The following SUCLG2 variants were observed in gnomAD, a reference collection of about 807,000 sequenced individuals.
SUCLG2 encodes succinate--CoA ligase [GDP-forming] subunit beta, mitochondrial.
SUCLG2 carries 42 observed loss-of-function variants against 47.9 expected under a neutral mutation model. The ratio of observed to expected loss-of-function variants is 0.88; its 90% confidence interval spans 0.69 to 1.14. The LOEUF (loss-of-function observed/expected upper bound fraction) is 1.14, where lower values mean the gene tolerates loss of function less well. Among genes scored for constraint, SUCLG2 ranks in the 50% most tolerant of loss-of-function variants. SUCLG2 has a pLI of 0.00. For missense variants in SUCLG2, 571 were observed against 525.9 expected (o/e 1.09, Z -0.84); for synonymous variants, 195 against 197.3 (o/e 0.99, Z 0.10).
At chr3:67,481,219 A>G (rs114357316) in intron 9 of SUCLG2, among the ~76,000 whole-genome samples, 2,175 of 152,354 alleles carry the variant, frequency 0.014, 61 homozygotes, top group African/African-American at 0.05. Context: ...ACAAGTTTCT[A>G]AATGCTTATT....
At chr3:67,554,104 G>T (rs1489155351) in intron 2 of SUCLG2, among the ~76,000 whole-genome samples, 5 of 152,134 alleles carry the variant, frequency 3.3e-5, no homozygotes, top group Admixed American at 2.0e-4. Flanking sequence ...GTGATTTTTT[G>T]CATGCTCTTG....
chr3:67,533,030 T>C (rs1706444089), intron 2 of SUCLG2, among the ~76,000 whole-genome samples: 1 of 152,216 alleles, frequency 6.6e-6, no homozygotes, highest in Non-Finnish European at 1.5e-5. Context: ...ACATTTTTAA[T>C]TAAGCAAGCT....
At chr3:67,452,683 T>C (rs575012096) in intron 9 of SUCLG2, among the ~76,000 whole-genome samples, 3 of 152,202 alleles carry the variant, frequency 2.0e-5, no homozygotes, top group Admixed American at 2.0e-4. Flanking sequence ...CAAATATTTA[T>C]TGAGCATCTA....
At chr3:67,457,246 T>C (rs974755020) in intron 9 of SUCLG2, among the ~76,000 whole-genome samples, 2 of 152,172 alleles carry the variant, frequency 1.3e-5, no homozygotes, top group African/African-American at 4.8e-5. Flanking sequence ...ATCTTCAGCA[T>C]TAAATGTATC....
chr3:67,425,796 T>C (rs1259533370), intron 9 of SUCLG2, among the ~76,000 whole-genome samples: 1 of 152,244 alleles, frequency 6.6e-6, no homozygotes, highest in East Asian at 1.9e-4. Flanking sequence ...TTGTCCTGTT[T>C]GGTGAACTCT....
intron 1 of SUCLG2, among the ~76,000 whole-genome samples, chr3:67,611,643 C>T (rs1312518399): frequency 1.3e-5 from 2 of 151,956 alleles, no homozygotes; most frequent in Non-Finnish European, 2.9e-5. Context: ...CAATTTAAAG[C>T]CATTAACCAA....
intron 2 of SUCLG2, among the ~76,000 whole-genome samples, chr3:67,563,280 A>T (rs534915778): frequency 2.6e-4 from 39 of 152,296 alleles, no homozygotes; most frequent in African/African-American, 8.7e-4. Flanking sequence ...AGTGAAAAAC[A>T]GTATGGTCTC....
At chr3:67,592,737 C>CA (rs1364129471) in intron 2 of SUCLG2, among the ~76,000 whole-genome samples, 14 of 35,260 alleles carry the variant, frequency 4.0e-4, no homozygotes, top group African/African-American at 1.0e-3. Context: ...AAAAAAAAAA[C>CA]AACAAAAAAA....
intron 9 of SUCLG2, among the ~76,000 whole-genome samples, chr3:67,471,374 C>A (rs1235130238): frequency 6.6e-6 from 1 of 152,152 alleles, no homozygotes; most frequent in Non-Finnish European, 1.5e-5. Context: ...GACAGAATAA[C>A]TGGGTTGAGG....
intron 6 of SUCLG2, among the ~76,000 whole-genome samples, chr3:67,517,327 A>T (rs1001076976): frequency 6.6e-6 from 1 of 152,228 alleles, no homozygotes; most frequent in Non-Finnish European, 1.5e-5. Flanking sequence ...GAAAGAAAAG[A>T]GTGCATCATG....
intron 9 of SUCLG2, among the ~76,000 whole-genome samples, chr3:67,491,154 T>C (rs1404040156): frequency 6.7e-6 from 1 of 149,772 alleles, no homozygotes; most frequent in Admixed American, 6.7e-5. Context: ...AACCCATCTC[T>C]ACTAAAAATA....
intron 2 of SUCLG2, among the ~76,000 whole-genome samples, chr3:67,537,577 A>G (rs1706580841): frequency 6.6e-6 from 1 of 152,220 alleles, no homozygotes; most frequent in South Asian, 2.1e-4. Flanking sequence ...TCCTTTGGGT[A>G]TACGCCCAGT....
chr3:67,518,863 C>T (rs1706021892), intron 5 of SUCLG2, among the ~76,000 whole-genome samples: 2 of 152,052 alleles, frequency 1.3e-5, no homozygotes, highest in Non-Finnish European at 2.9e-5. Context: ...AATGGAATGG[C>T]CTGCTTTAAA....
At chr3:67,435,431 C>T (rs570920703) in intron 9 of SUCLG2, among the ~76,000 whole-genome samples, 21 of 152,124 alleles carry the variant, frequency 1.4e-4, no homozygotes, top group African/African-American at 4.8e-4. Context: ...CACCACATGG[C>T]GATAATGGGT....
chr3:67,630,646 T>C (rs969673052), intron 1 of SUCLG2, among the ~76,000 whole-genome samples: 4 of 152,206 alleles, frequency 2.6e-5, no homozygotes, highest in Admixed American at 2.6e-4. Flanking sequence ...GCCCAGCACT[T>C]GTACCAACCA....
In SUCLG2 at chr3:67,508,926, G is replaced by C. The variant is rs766546825; in HGVS notation, c.661-23C>G. The C allele has an allele frequency of 1.4e-5, 22 of 1,532,790 alleles. 1 individual carries two copies. The South Asian group carries it at 2.6e-4, about 18-fold the overall frequency. The allele number at this position is 1,532,790 out of a possible 1,614,324, so 94.9% of individuals were successfully genotyped here. A position where few individuals can be genotyped will look rare whatever the true frequency, so the allele number is the denominator to read the frequency against. On this transcript the variant is annotated intron_variant, in intron 6 of 10. Coordinates refer to ENST00000307227, the MANE Select transcript of SUCLG2 (RefSeq NM_003848.4). ...AGCCTAAATGTGATCAAGTGAAATA[G>C]AATTACACCAAAGCAGTAAAAGAAA...
At chr3:67,573,797 C>A (rs1224553132) in intron 2 of SUCLG2, among the ~76,000 whole-genome samples, 1 of 151,930 alleles carries the variant, frequency 6.6e-6, no homozygotes, top group Non-Finnish European at 1.5e-5. Flanking sequence ...TCTTTTTCAC[C>A]CAATAAAACC....
rs78925835 is a variant in SUCLG2, at chr3:67,570,103, A to G, written c.226+39352T>C. 3.4e-4 allele frequency among the ~76,000 whole-genome samples: 52 copies of G among 152,352 alleles called. No individual in the cohort carries two copies. The East Asian group carries it at 9.6e-3, about 28-fold the overall frequency. On this transcript the variant is annotated intron_variant, in intron 2 of 10. Transcript: ENST00000307227. ...GACATCAGGGACAGGAGTGCCCAGAAGAAAGGCCGTAAGAGGACACAGCAA... is the reference window on the plus strand; with the variant it reads ...GACATCAGGGACAGGAGTGCCCAGAGGAAAGGCCGTAAGAGGACACAGCAA...
intron 6 of SUCLG2, 63 bp from the exon 7 acceptor site, chr3:67,508,966 A>G (rs1705715019): frequency 7.7e-7 from 1 of 1,298,762 alleles, no homozygotes; most frequent in African/African-American, 1.5e-5. Context: ...ATTTTGCTGG[A>G]TTAATGAAAC....
Sources: gnomAD v4.1 joint callset for allele counts (sites outside exome capture counted in the v4.1 genomes callset) on GRCh38, gnomAD v4.1.1 for gene constraint, MANE v1.5 for transcripts, NCBI Gene and HGNC (gene_info 2026-07-23, HGNC 2026-07-21) for gene names.